PRKAR1B: variants seen among roughly 807,000 people sequenced by gnomAD.
PRKAR1B encodes the protein protein kinase cAMP-dependent type I regulatory subunit beta.
PRKAR1B carries 22 observed loss-of-function variants against 46.5 expected under a neutral mutation model. The ratio of observed to expected loss-of-function variants is 0.47; its 90% CI spans 0.34 to 0.68. PRKAR1B has a LOEUF of 0.68. Among genes scored for constraint, PRKAR1B ranks in the 30% least tolerant of loss-of-function variants. The pLI, the probability that PRKAR1B is intolerant of heterozygous loss-of-function variation, is 0.01. For missense variants in PRKAR1B, 445 were observed against 535.6 expected, an observed-to-expected ratio of 0.83 and a Z score of 1.67; for synonymous variants, 259 against 217.7, an observed-to-expected ratio of 1.19 and a Z score of -1.67.
chr7:617,792 G>C (rs1198406850), intron 4 of PRKAR1B, among the ~76,000 whole-genome samples: 1 of 152,224 alleles, frequency 6.6e-6, no homozygotes, highest in Non-Finnish European at 1.5e-5. Context: ...CCAGGACGTG[G>C]CAGGTCGGAC....
intron 9 of PRKAR1B, among the ~76,000 whole-genome samples, chr7:572,850 A>C (rs576707701): frequency 1.1e-4 from 17 of 152,332 alleles, no homozygotes; most frequent in African/African-American, 4.1e-4. Flanking sequence ...TTTACAAAAC[A>C]ATGTGCTTTA....
Position 579,350 on chromosome 7 carries a change from G to A in PRKAR1B, c.797C>T (p.Thr266Ile). ...LESLEKWERL[T>I]VADALEPVQF... ...GACGGGCTCCAGCGCATCCGCCACG[G>A]TCAGACGCTCCCACTTCTCCAGGGA... Residue 266 changes from threonine (T) to isoleucine (I), a missense_variant, in exon 9 of 11, where the codon ACC becomes ATC. Thr to Ile is a moderately conservative substitution (Grantham distance 89). Transcript: ENST00000537384. 6.2e-7 allele frequency: 1 copy of A among 1,614,096 alleles called. No homozygotes were observed. Among genetic ancestry groups the A allele is most frequent in the Non-Finnish European group, 8.5e-7 (1 of 1,180,050 alleles).
chr7:726,693 C>T, intron 1 of PRKAR1B: 4 of 1,230,020 alleles, frequency 3.3e-6, no homozygotes, highest in Non-Finnish European at 4.1e-6. Flanking sequence ...AAGCGCTGTT[C>T]CCCTTAGTGA....
intron 7 of PRKAR1B, among the ~76,000 whole-genome samples, chr7:585,706 G>C (rs1264680311): frequency 6.6e-6 from 1 of 152,132 alleles, no homozygotes; most frequent in Non-Finnish European, 1.5e-5. Context: ...ATAACCCTGA[G>C]AGGGGAACAT....
intron 4 of PRKAR1B, among the ~76,000 whole-genome samples, chr7:646,581 G>A (rs914855034): frequency 5.3e-5 from 8 of 152,190 alleles, no homozygotes; most frequent in African/African-American, 4.8e-5. Flanking sequence ...ATGGGGCTGC[G>A]TGCAGAATCA....
intron 1 of PRKAR1B, among the ~76,000 whole-genome samples, chr7:725,716 A>AGT (rs1410703866): frequency 6.6e-6 from 1 of 152,202 alleles, no homozygotes; most frequent in Non-Finnish European, 1.5e-5. Context: ...TTGTGGTTTG[A>AGT]GTCATGCAGC....
intron 9 of PRKAR1B, chr7:561,969 A>C (rs1380217274): frequency 2.6e-5 from 4 of 152,282 alleles, no homozygotes; most frequent in Admixed American, 2.0e-4. Flanking sequence ...GCAGCCAGGC[A>C]CTGTCCGTCC....
intron 4 of PRKAR1B, among the ~76,000 whole-genome samples, chr7:632,950 G>A (rs377028060): frequency 3.9e-5 from 6 of 152,348 alleles, no homozygotes; most frequent in African/African-American, 9.6e-5. Context: ...GGTCCCGGCC[G>A]GCTCCGGCAA....
intron 4 of PRKAR1B, among the ~76,000 whole-genome samples, chr7:658,312 T>C (rs771539379): frequency 1.3e-5 from 2 of 152,050 alleles, no homozygotes; most frequent in Non-Finnish European, 2.9e-5. Flanking sequence ...GGTGCACACC[T>C]GTAGTTCCAG....
At chr7:611,230 C>T (rs140406364) in intron 4 of PRKAR1B, among the ~76,000 whole-genome samples, 4 of 152,354 alleles carry the variant, frequency 2.6e-5, no homozygotes, top group African/African-American at 9.6e-5. Flanking sequence ...AGCCCTCCTC[C>T]GAGCAGAGCA....
Position 621,111 on chromosome 7 carries a change from A to G in PRKAR1B, c.441-13659T>C, listed in dbSNP as rs554910904. ...AGGTTGAACCATCCTTGAATTCTGG[A>G]TCATCTCCACCTGATCACAGTACAG... is the stretch of plus-strand genomic sequence containing the variant. On this transcript the variant is annotated intron_variant, in intron 4 of 10. Coordinates refer to ENST00000537384, the MANE Select transcript of PRKAR1B (RefSeq NM_001164760.2). 4.6e-5 allele frequency among the ~76,000 whole-genome samples: 7 copies of G among 152,338 alleles called. No individual in the cohort carries two copies. The South Asian group carries it at 1.4e-3, about 32-fold the overall frequency.
chr7:604,903 G>A (rs899725928), intron 6 of PRKAR1B, among the ~76,000 whole-genome samples: 39 of 152,102 alleles, frequency 2.6e-4, no homozygotes, highest in African/African-American at 9.2e-4. Context: ...CCCAGACCCA[G>A]AGAAGACTCA....
intron 2 of PRKAR1B, among the ~76,000 whole-genome samples, chr7:691,309 C>G (rs1224702805): frequency 6.6e-6 from 1 of 152,246 alleles, no homozygotes; most frequent in African/African-American, 2.4e-5. Flanking sequence ...AATGAGCCTG[C>G]AGGTGATGGG....
chr7:588,766 T>A (rs1780787784), intron 7 of PRKAR1B, among the ~76,000 whole-genome samples: 1 of 143,498 alleles, frequency 7.0e-6, no homozygotes, highest in Non-Finnish European at 1.5e-5. Context: ...GTGATGGTGG[T>A]GATGGTGATG....
rs187182666 is a variant in PRKAR1B at position 561,015 on chromosome 7, C to A, written c.892-9545G>T. Among the ~76,000 whole-genome samples the A allele has an allele frequency of 3.9e-5, 6 of 152,302 alleles. No homozygotes were observed. The East Asian group carries it at 1.2e-3, about 29-fold the overall frequency. ...GCAGAAGCAGAATCCTATACATACA[C>A]ACACACGTGTGAACACACACACATA... On this transcript the variant is annotated intron_variant, in intron 9 of 10. Coordinates refer to ENST00000537384, the MANE Select transcript of PRKAR1B (RefSeq NM_001164760.2).
intron 2 of PRKAR1B, among the ~76,000 whole-genome samples, chr7:698,325 G>A (rs554512536): frequency 1.8e-4 from 28 of 152,114 alleles, no homozygotes; most frequent in Non-Finnish European, 3.2e-4. Flanking sequence ...GTGAGGCTAG[G>A]GGCAGAGTGT....
intron 4 of PRKAR1B, among the ~76,000 whole-genome samples, chr7:637,515 T>G (rs1441526438): frequency 6.6e-6 from 1 of 152,164 alleles, no homozygotes; most frequent in Non-Finnish European, 1.5e-5. Context: ...TTTGTAAATC[T>G]TCAGTGCACC....
chr7:584,991 T>G (rs1780516132), intron 7 of PRKAR1B, among the ~76,000 whole-genome samples: 1 of 152,086 alleles, frequency 6.6e-6, no homozygotes, highest in Non-Finnish European at 1.5e-5. Context: ...AGAGTGCGGC[T>G]GACGTCAGCT....
At chr7:727,377 C>T, upstream of PRKAR1B, 1 of 986,990 alleles carries the variant, frequency 1.0e-6, no homozygotes. Flanking sequence ...CCTCCACCTC[C>T]GCGGCCCCTC....
Sources: gnomAD v4.1 joint callset for allele counts (sites outside exome capture counted in the v4.1 genomes callset) on GRCh38, gnomAD v4.1.1 for gene constraint, MANE v1.5 for transcripts, NCBI Gene and HGNC (gene_info 2026-07-23, HGNC 2026-07-21) for gene names.